Variants in STYK1 observed in about 807,000 individuals in gnomAD.
The protein encoded by STYK1 is STY kinase 1.
In STYK1, 46 loss-of-function variants were observed where a neutral mutation model predicts 48.1. That is an observed-to-expected ratio of 0.96 (90% CI 0.75 to 1.22). STYK1 has a LOEUF of 1.22. STYK1 is among the 50% of genes most tolerant of loss of function. STYK1 has a pLI of 0.00. For missense variants in STYK1, 527 were observed against 521.1 expected (o/e 1.01, Z -0.11); for synonymous variants, 188 against 189.0 (o/e 0.99, Z 0.04).
chr12:10,634,077 C>A lies in STYK1; in HGVS notation c.100G>T (p.Val34Phe). 1.2e-6 allele frequency: 2 copies of A among 1,614,126 alleles called. No individual in the cohort carries two copies. Among genetic ancestry groups the A allele is most frequent in the Non-Finnish European group, 1.7e-6 (2 of 1,180,012 alleles). The change falls in exon 4 of 11, where the codon GTT becomes TTT. Residue 34 changes from valine to phenylalanine, a missense_variant. Val to Phe is a conservative substitution (Grantham distance 50). Transcript: ENST00000075503. The part of the protein sequence containing the change: ...YEVIIVPTLL[V>F]TIFLILLGVI... ...CCAAGAAGGATGAGGAAGATAGTAA[C>A]CAACAAAGTTGGGACGATAATCACT...
In STYK1 at chr12:10,634,092, C is replaced by G. The variant is rs139819909; in HGVS notation, c.85G>C (p.Val29Leu). The change falls in exon 4 of 11, where the codon GTC becomes CTC. Residue 29 changes from valine (V) to leucine (L), a missense_variant. By Grantham distance (32) the Val-to-Leu change is conservative (BLOSUM62 1). Transcript: ENST00000075503. ...IQEKQYEVII[V>L]PTLLVTIFLI... is the part of the protein sequence containing the mutation. ...AAGATAGTAACCAACAAAGTTGGGA[C>G]GATAATCACTTCATACTGCTTCTCC... 6.2e-7 allele frequency: 1 copy of G among 1,614,088 alleles called. No individual in the cohort carries two copies. Among genetic ancestry groups the G allele is most frequent in the Non-Finnish European group, 8.5e-7 (1 of 1,180,002 alleles).
intron 1 of STYK1, among the ~76,000 whole-genome samples, chr12:10,650,391 A>G (rs1337085196): frequency 6.6e-6 from 1 of 152,198 alleles, no homozygotes; most frequent in Non-Finnish European, 1.5e-5. Context: ...AGAGGATTCT[A>G]GTGAGAATTA....
chr12:10,644,611 A>T (rs1162959054), intron 1 of STYK1, among the ~76,000 whole-genome samples: 2 of 152,240 alleles, frequency 1.3e-5, no homozygotes, highest in East Asian at 1.9e-4. Context: ...TGAAACTAAT[A>T]ATTTCATAAT....
At chr12:10,621,828 A>AAAC in intron 10 of STYK1, 48 bp downstream of exon 10, 1 of 1,561,602 alleles carries the variant, frequency 6.4e-7, no homozygotes, top group Non-Finnish European at 8.8e-7. Context: ...ATAGAGGGCT[A>AAAC]AACAACATTT....
chr12:10,645,389 T>C (rs1001420143), intron 1 of STYK1, among the ~76,000 whole-genome samples: 1 of 152,138 alleles, frequency 6.6e-6, no homozygotes, highest in Non-Finnish European at 1.5e-5. Flanking sequence ...ACAGTTGATT[T>C]CTTTGGAAAC....
Position 10,624,737 on chromosome 12 carries a change from C to A in STYK1, c.840G>T (p.Gly280=), listed in dbSNP as rs1440789264. The A allele has an allele frequency of 3.1e-6, 5 of 1,613,900 alleles. No homozygotes were observed. ...LGLAYEVYTR[G]AISSTQTIPL... Reference sequence around the variant, plus strand: ...GTATGGTTTGAGTAGAGGAGATGGCCCCTCGGGTGTAAACTTCATAAGCCA... The same window carrying A: ...GTATGGTTTGAGTAGAGGAGATGGCACCTCGGGTGTAAACTTCATAAGCCA... The change falls in exon 8 of 11, where the codon GGG becomes GGT. Residue 280 remains glycine, a synonymous_variant. Transcript: ENST00000075503.
rs549962289 is a variant in STYK1, at chr12:10,647,153, C to G, written c.-194-9957G>C. On this transcript the variant is annotated intron_variant, in intron 1 of 10. Coordinates refer to ENST00000075503, the MANE Select transcript of STYK1 (RefSeq NM_018423.3). The stretch of plus-strand genomic sequence containing the variant: ...AGAAGAGGGTTACCATCCTCCAAAA[C>G]CCAGAATGGTAGATCCACCAACAGC... Among the ~76,000 whole-genome samples the G allele has an allele frequency of 2.6e-5, 4 of 152,362 alleles. No individual in the cohort carries two copies. In the East Asian group the frequency reaches 5.8e-4, roughly 22 times the overall value.
chr12:10,637,590 C>T (rs1406485584), intron 1 of STYK1, among the ~76,000 whole-genome samples: 1 of 152,212 alleles, frequency 6.6e-6, no homozygotes, highest in East Asian at 1.9e-4. Context: ...ATCCACCTGC[C>T]TTGGCCTCCC....
intron 1 of STYK1, among the ~76,000 whole-genome samples, chr12:10,642,183 A>G (rs1034342120): frequency 5.9e-5 from 9 of 152,152 alleles, no homozygotes; most frequent in Non-Finnish European, 8.8e-5. Context: ...GCTTCCTTTC[A>G]TCCACATCTT....
At chr12:10,627,798 A>G (rs2120621629) in intron 6 of STYK1, 74 bp from the exon 7 acceptor site, 1 of 1,279,430 alleles carries the variant, frequency 7.8e-7, no homozygotes, top group East Asian at 2.4e-5. Context: ...AAAGTTGGGC[A>G]GAGATACTCT....
intron 7 of STYK1, 76 bp from the exon 8 acceptor site, chr12:10,624,935 G>A: frequency 7.5e-7 from 1 of 1,331,916 alleles, no homozygotes; most frequent in Non-Finnish European, 1.1e-6. Flanking sequence ...GGCAGTCCTA[G>A]GAATCTTCAA....
chr12:10,635,189 T>C (rs1183126668), intron 2 of STYK1, among the ~76,000 whole-genome samples: 1 of 152,238 alleles, frequency 6.6e-6, no homozygotes. Context: ...TGATCATGCA[T>C]GGCTCATTTA....
chr12:10,664,214 A>C (rs1227090221), intron 1 of STYK1, among the ~76,000 whole-genome samples: 1 of 152,140 alleles, frequency 6.6e-6, no homozygotes, highest in Non-Finnish European at 1.5e-5. Flanking sequence ...AACCCAGCTC[A>C]TTTTCCCCTG....
intron 1 of STYK1, among the ~76,000 whole-genome samples, chr12:10,653,040 G>C (rs1372716249): frequency 6.6e-6 from 1 of 152,068 alleles, no homozygotes; most frequent in Non-Finnish European, 1.5e-5. Context: ...GACTTCCTGT[G>C]TGACCTTTGG....
At chr12:10,642,824 T>A (rs779063920) in intron 1 of STYK1, among the ~76,000 whole-genome samples, 10 of 152,208 alleles carry the variant, frequency 6.6e-5, no homozygotes, top group Non-Finnish European at 1.5e-5. Context: ...AGCATAATGC[T>A]GTAAAGTAAG....
Position 10,672,040 on chromosome 12 carries a change from A to G in STYK1, c.-195+1926T>C, listed in dbSNP as rs908513001. Among the ~76,000 whole-genome samples, 5 of 152,230 alleles carry G rather than the reference A, an allele frequency of 3.3e-5. No individual in the cohort carries two copies. Among genetic ancestry groups the G allele is most frequent in the South Asian group, 2.1e-4 (1 of 4,830 alleles). The stretch of plus-strand genomic sequence containing the variant: ...GGTAATTAGGATGGACCCTAATCCA[A>G]TAAGACTAGTGTCCTTATAAAAAGG... On this transcript the variant is annotated intron_variant, in intron 1 of 10. Coordinates refer to ENST00000075503, the MANE Select transcript of STYK1 (RefSeq NM_018423.3). This position sits in a 1 kb window ranked among gnomAD's most constrained non-coding sequence, Gnocchi z 4.0.
chr12:10,669,410 G>A (rs1947869323), intron 1 of STYK1, among the ~76,000 whole-genome samples: 1 of 145,454 alleles, frequency 6.9e-6, no homozygotes, highest in African/African-American at 2.6e-5. Flanking sequence ...TACACAGCAG[G>A]CAAAACATTG....
At chr12:10,635,111 T>C (rs1947472085) in intron 2 of STYK1, among the ~76,000 whole-genome samples, 1 of 152,218 alleles carries the variant, frequency 6.6e-6, no homozygotes, top group Non-Finnish European at 1.5e-5. Flanking sequence ...CTGTGCATCA[T>C]ATTTTTTAAG....
At chr12:10,621,851 G>A (rs1655770711) in intron 10 of STYK1, 25 bp downstream of exon 10, 1 of 1,599,674 alleles carries the variant, frequency 6.3e-7, no homozygotes, top group African/African-American at 1.3e-5. Context: ...AATGAAAGAG[G>A]AGCAGGCCTT....
Sources: gnomAD v4.1 joint callset for allele counts (sites outside exome capture counted in the v4.1 genomes callset) on GRCh38, gnomAD v4.1.1 for gene constraint, Gnocchi (gnomAD v3.1) non-coding constraint, MANE v1.5 for transcripts, NCBI Gene and HGNC (gene_info 2026-07-23, HGNC 2026-07-21) for gene names.